NLGN1: variants seen among roughly 807,000 people sequenced by gnomAD.
The protein encoded by NLGN1 is neuroligin 1, also known as neuroligin-1.
A neutral mutation model predicts 65.5 loss-of-function variants in NLGN1; 12 were observed. The observed-to-expected ratio is 0.18, with a 90% CI of 0.12 to 0.30. The LOEUF (loss-of-function observed/expected upper bound fraction) is 0.30. Ranked by LOEUF, NLGN1 falls within the 10% of genes least tolerant of loss-of-function variation. The probability of loss-of-function intolerance (pLI) is 1.00; values close to 1 mark genes in which losing one functional copy is unlikely to be tolerated. For missense variants in NLGN1, 750 were observed against 1,007.1 expected (o/e 0.74, Z 3.46); for synonymous variants, 350 against 359.5 (o/e 0.97, Z 0.30).
At chr3:173,649,158 A>G (rs568672921) in intron 3 of NLGN1, among the ~76,000 whole-genome samples, 27 of 152,316 alleles carry the variant, frequency 1.8e-4, no homozygotes, top group African/African-American at 5.5e-4. Context: ...TATATACTGG[A>G]TAATTCCATT....
chr3:173,789,696 G>A (rs1389493165), intron 3 of NLGN1, among the ~76,000 whole-genome samples: 2 of 152,178 alleles, frequency 1.3e-5, no homozygotes, highest in African/African-American at 4.8e-5. Flanking sequence ...TGCTGGTGAG[G>A]CCTCTGTGTA....
At chr3:173,496,135 A>G (rs1344828800) in intron 2 of NLGN1, among the ~76,000 whole-genome samples, 6 of 151,758 alleles carry the variant, frequency 4.0e-5, no homozygotes, top group Admixed American at 1.3e-4. Flanking sequence ...CTCCTTAACA[A>G]GATTCCATCT....
chr3:173,730,317 A>ACC (rs1772561777), intron 3 of NLGN1, among the ~76,000 whole-genome samples: 8 of 35,770 alleles, frequency 2.2e-4, no homozygotes, highest in Non-Finnish European at 3.1e-4. Context: ...CTACTGCCCC[A>ACC]CCGCTCCCCC....
At chr3:173,850,308 T>G (rs528225846) in intron 4 of NLGN1, among the ~76,000 whole-genome samples, 1 of 152,188 alleles carries the variant, frequency 6.6e-6, no homozygotes, top group African/African-American at 2.4e-5. Context: ...TTTATGGTAA[T>G]GACTATATGT....
At chr3:174,001,969 A>G (rs1298533686) in intron 4 of NLGN1, among the ~76,000 whole-genome samples, 1 of 152,032 alleles carries the variant, frequency 6.6e-6, no homozygotes, top group African/African-American at 2.4e-5. Context: ...AAATGCTATG[A>G]CATGGATAAA....
intron 4 of NLGN1, among the ~76,000 whole-genome samples, chr3:174,265,825 CTA>C (rs527705776): frequency 7.1e-6 from 1 of 139,966 alleles, no homozygotes; most frequent in East Asian, 2.0e-4. Context: ...TATACAACAT[CTA>C]TATATATATG....
intron 2 of NLGN1, among the ~76,000 whole-genome samples, chr3:173,442,172 A>C (rs909066830): frequency 6.6e-6 from 1 of 152,162 alleles, no homozygotes; most frequent in African/African-American, 2.4e-5. Flanking sequence ...GCAGTTTTCA[A>C]TGTGCAGTGA....
intron 2 of NLGN1, among the ~76,000 whole-genome samples, chr3:173,556,951 T>A (rs918943173): frequency 3.3e-5 from 5 of 152,212 alleles, no homozygotes; most frequent in Non-Finnish European, 5.9e-5. Context: ...TGTGCAGTTA[T>A]AATTTTTTGT....
At chr3:173,775,231 T>A (rs1009272071) in intron 3 of NLGN1, among the ~76,000 whole-genome samples, 1 of 152,170 alleles carries the variant, frequency 6.6e-6, no homozygotes, top group Non-Finnish European at 1.5e-5. Context: ...CTTAATTTTT[T>A]AAATGCAATC....
At chr3:174,281,523 A>G in exon 7 of NLGN1, 1 of 433,734 alleles carries the variant, frequency 2.3e-6, no homozygotes, top group Non-Finnish European at 4.1e-6. Context: ...GTTCTGAATG[A>G]TACTTTTTCA....
At chr3:173,539,271 G>A (rs543348811) in intron 2 of NLGN1, among the ~76,000 whole-genome samples, 4 of 151,826 alleles carry the variant, frequency 2.6e-5, no homozygotes, top group African/African-American at 9.7e-5. Flanking sequence ...TGCTGGTGGG[G>A]AGAAAGAAGG....
chr3:173,701,788 A>C (rs538716847), intron 3 of NLGN1, among the ~76,000 whole-genome samples: 1 of 152,320 alleles, frequency 6.6e-6, no homozygotes, highest in East Asian at 1.9e-4. Flanking sequence ...AACTAATGCC[A>C]GTGGAGATAA....
intron 2 of NLGN1, among the ~76,000 whole-genome samples, chr3:173,582,871 G>A (rs1382974864): frequency 6.6e-6 from 1 of 152,002 alleles, no homozygotes; most frequent in African/African-American, 2.4e-5. Context: ...CCCTCTAAAT[G>A]TTGTAAAATT....
chr3:174,294,120 TACCCTCTA>T, the NLGN1 span, among the ~76,000 whole-genome samples: 1 of 151,786 alleles, frequency 6.6e-6, no homozygotes, highest in African/African-American at 2.4e-5. Flanking sequence ...TCTATTTCCC[TACCCTCTA>T]ACCAAAAATC....
At chr3:173,424,254 C>G (rs1715687417) in intron 1 of NLGN1, among the ~76,000 whole-genome samples, 1 of 152,160 alleles carries the variant, frequency 6.6e-6, no homozygotes. Context: ...CTGGGTCTGT[C>G]ATGGGAGGGG....
At chr3:174,172,530 C>A (rs1728735004) in intron 4 of NLGN1, among the ~76,000 whole-genome samples, 1 of 152,040 alleles carries the variant, frequency 6.6e-6, no homozygotes. Flanking sequence ...TATTCTTTTG[C>A]ATATAGGTGT....
chr3:173,777,604 GTATTC>G (rs1243712048), intron 3 of NLGN1, among the ~76,000 whole-genome samples: 59 of 150,778 alleles, frequency 3.9e-4, no homozygotes, highest in African/African-American at 1.4e-3. Context: ...AGACCAGAAT[GTATTC>G]TGTCTGTCTG....
intron 1 of NLGN1, among the ~76,000 whole-genome samples, chr3:173,431,598 T>C (rs989201470): frequency 1.3e-5 from 2 of 152,144 alleles, no homozygotes; most frequent in Non-Finnish European, 2.9e-5. Context: ...TGTAGTAAAA[T>C]TGATTGGAAG....
At chr3:174,107,009 C>G (rs1424059337) in intron 4 of NLGN1, among the ~76,000 whole-genome samples, 97 of 118,844 alleles carry the variant, frequency 8.2e-4, no homozygotes, top group Admixed American at 1.9e-3. Flanking sequence ...CACACACACA[C>G]ACACACACAG....
Sources: gnomAD v4.1 joint callset for allele counts (sites outside exome capture counted in the v4.1 genomes callset) on GRCh38, gnomAD v4.1.1 for gene constraint, MANE v1.5 for transcripts, NCBI Gene and HGNC (gene_info 2026-07-23, HGNC 2026-07-21) for gene names.